The following HSDL2 variants were observed in gnomAD, a reference collection of about 807,000 sequenced individuals.
The protein encoded by HSDL2 is hydroxysteroid dehydrogenase-like protein 2.
In HSDL2, 27 loss-of-function variants were observed where a neutral mutation model predicts 46.3. The ratio of observed to expected loss-of-function variants is 0.58; its 90% CI spans 0.43 to 0.80. The LOEUF is 0.80. HSDL2 is among the 30% of genes least tolerant of loss of function. The pLI, the probability that HSDL2 is intolerant of heterozygous loss-of-function variation, is 0.00. For synonymous variants in HSDL2, 153 were observed against 163.6 expected (o/e 0.94, Z 0.50); for missense variants, 451 against 502.7 (o/e 0.90, Z 0.98).
chr9:112,412,273 G>A (rs571544265), intron 4 of HSDL2, among the ~76,000 whole-genome samples: 10 of 142,234 alleles, frequency 7.0e-5, no homozygotes, highest in East Asian at 4.0e-4. Context: ...GAATTTTGAC[G>A]TGATTAAAAA....
intron 6 of HSDL2, among the ~76,000 whole-genome samples, chr9:112,431,930 A>T (rs1195337797): frequency 1.4e-5 from 2 of 141,056 alleles, no homozygotes; most frequent in Non-Finnish European, 1.5e-5. Context: ...GCTGGACTGG[A>T]GTGCAGTGGT....
intron 8 of HSDL2, among the ~76,000 whole-genome samples, chr9:112,443,903 A>G (rs757713035): frequency 2.9e-4 from 44 of 152,252 alleles, no homozygotes; most frequent in African/African-American, 1.0e-3. Flanking sequence ...TTTCATGACC[A>G]TGGAATCAGA....
At chr9:112,386,505 G>A (rs1303521070) in intron 1 of HSDL2, among the ~76,000 whole-genome samples, 1 of 152,044 alleles carries the variant, frequency 6.6e-6, no homozygotes, top group Non-Finnish European at 1.5e-5. Flanking sequence ...TTTTGAGCTT[G>A]GCATGGTGGC....
At chr9:112,458,657 G>T (rs1833105093) in intron 9 of HSDL2, among the ~76,000 whole-genome samples, 1 of 152,156 alleles carries the variant, frequency 6.6e-6, no homozygotes, top group Admixed American at 6.5e-5. Context: ...GTACAGCTTA[G>T]TAGCATTAAA....
intron 8 of HSDL2, among the ~76,000 whole-genome samples, chr9:112,442,369 T>C (rs1351206507): frequency 6.6e-6 from 1 of 152,132 alleles, no homozygotes; most frequent in African/African-American, 2.4e-5. Context: ...GTTTTATTTA[T>C]TTTCTTTTGC....
intron 10 of HSDL2, among the ~76,000 whole-genome samples, chr9:112,468,047 ATTG>A (rs1449344751): frequency 1.3e-5 from 2 of 152,042 alleles, no homozygotes; most frequent in Non-Finnish European, 2.9e-5. Flanking sequence ...AACTCTCTTG[ATTG>A]TTTGTCTGGG....
chr9:112,458,322 T>G (rs1564133042), intron 9 of HSDL2, among the ~76,000 whole-genome samples: 1 of 3,810 alleles, frequency 2.6e-4, no homozygotes, highest in Non-Finnish European at 7.1e-4. Flanking sequence ...CACTTCTTCT[T>G]TTTTTTTTTT....
chr9:112,413,490 AAAAAGAAAAAAAAGAAAAG>A (rs1564113625), intron 4 of HSDL2, among the ~76,000 whole-genome samples: 1 of 71,564 alleles, frequency 1.4e-5, no homozygotes, highest in African/African-American at 4.7e-5. Flanking sequence ...CCTCTCAAAA[AAAAAGAAAAAAAAGAAAAG>A]AAAAGAAATA....
intron 1 of HSDL2, among the ~76,000 whole-genome samples, chr9:112,384,104 G>A (rs1210019561): frequency 6.6e-6 from 1 of 152,110 alleles, no homozygotes; most frequent in African/African-American, 2.4e-5. Flanking sequence ...GGTTATACTT[G>A]GGTATTTATT....
intron 6 of HSDL2, among the ~76,000 whole-genome samples, chr9:112,424,542 C>G (rs1832205028): frequency 6.6e-6 from 1 of 151,866 alleles, no homozygotes; most frequent in Admixed American, 6.6e-5. Context: ...GCACTCTCCT[C>G]TCTCTTCCTC....
chr9:112,402,869 C>T (rs576468404), intron 1 of HSDL2, among the ~76,000 whole-genome samples: 5 of 151,884 alleles, frequency 3.3e-5, no homozygotes, highest in South Asian at 2.1e-4. Flanking sequence ...TGCTTGAACC[C>T]GGGAGGCAGA....
chr9:112,448,633 C>T (rs1233032878), intron 8 of HSDL2, among the ~76,000 whole-genome samples: 4 of 152,188 alleles, frequency 2.6e-5, no homozygotes, highest in East Asian at 1.9e-4. Context: ...CTCACTGCAA[C>T]GTCCGCCACC....
At chr9:112,453,525 T>C (rs6477933) in intron 8 of HSDL2, among the ~76,000 whole-genome samples, 145,462 of 152,194 alleles carry the variant, frequency 0.96, 69,576 homozygotes, top group African/African-American at 0.98. Context: ...CCCAAGTAGC[T>C]GGGACTACAG....
At chr9:112,466,265 GA>G (rs1833374458) in intron 10 of HSDL2, among the ~76,000 whole-genome samples, 1 of 152,092 alleles carries the variant, frequency 6.6e-6, no homozygotes, top group South Asian at 2.1e-4. Flanking sequence ...TCAGTTTTAA[GA>G]AATTCTGGCC....
intron 8 of HSDL2, among the ~76,000 whole-genome samples, chr9:112,447,053 T>C (rs1564127881): frequency 6.6e-6 from 1 of 152,182 alleles, no homozygotes; most frequent in Non-Finnish European, 1.5e-5. Context: ...GAACCTCTCT[T>C]CCTAGATTCA....
At chr9:112,416,237 C>T (rs1173717638) in intron 4 of HSDL2, among the ~76,000 whole-genome samples, 2 of 151,676 alleles carry the variant, frequency 1.3e-5, no homozygotes, top group African/African-American at 2.4e-5. Context: ...TAGCAAGACC[C>T]TGTTTCTAAA....
chr9:112,438,730 G>T, intron 7 of HSDL2, 105 bp downstream of exon 7: 2 of 659,172 alleles, frequency 3.0e-6, no homozygotes, highest in South Asian at 2.5e-5. Flanking sequence ...AAATGAATGT[G>T]TTCTTTTAAA....
intron 6 of HSDL2, among the ~76,000 whole-genome samples, chr9:112,432,720 C>G (rs1394764352): frequency 6.6e-6 from 1 of 152,164 alleles, no homozygotes; most frequent in East Asian, 1.9e-4. Context: ...ATCCAATTTA[C>G]AGTCATGTTC....
rs1831835541 is a variant in HSDL2, at chr9:112,410,484, G to A, written c.395+1463G>A. 2.6e-5 allele frequency among the ~76,000 whole-genome samples: 4 copies of A among 152,180 alleles called. No individual in the cohort carries two copies. The South Asian group carries it at 8.3e-4, about 31-fold the overall frequency. On this transcript the variant is annotated intron_variant, in intron 4 of 10. Coordinates refer to ENST00000398805, the MANE Select transcript of HSDL2 (RefSeq NM_032303.5). ...TAAAATGGCAATAATACAGTAATATGTTATAGGGTTGGTCACGAGGGTTAA... is the reference window on the plus strand; with the variant it reads ...TAAAATGGCAATAATACAGTAATATATTATAGGGTTGGTCACGAGGGTTAA...
Sources: allele counts gnomAD v4.1 joint callset (sites outside exome capture counted in the v4.1 genomes callset), GRCh38; gene constraint gnomAD v4.1.1; transcripts MANE v1.5; gene names NCBI Gene and HGNC (gene_info 2026-07-23, HGNC 2026-07-21).